The following CLDN16 variants were observed in gnomAD, a reference collection of about 807,000 sequenced individuals.
CLDN16 encodes claudin 16, also known as claudin-16.
CLDN16 carries 13 observed loss-of-function variants against 24.6 expected under a neutral mutation model. That is an observed-to-expected ratio of 0.53 (90% CI 0.34 to 0.84). The LOEUF (loss-of-function observed/expected upper bound fraction) is 0.84. Ranked by LOEUF, CLDN16 falls within the 40% of genes least tolerant of loss-of-function variation. CLDN16 has a pLI of 0.01. For missense variants in CLDN16, 298 were observed against 292.7 expected, an observed-to-expected ratio of 1.02 and a Z score of -0.13; for synonymous variants, 116 against 106.7, an observed-to-expected ratio of 1.09 and a Z score of -0.54.
At chr3:190,334,828 C>A (rs1409663222) in intron 1 of CLDN16, among the ~76,000 whole-genome samples, 1 of 152,160 alleles carries the variant, frequency 6.6e-6, no homozygotes, top group Non-Finnish European at 1.5e-5. Context: ...AGGTATGCAG[C>A]TTTCCTCTTC....
chr3:190,396,571 G>A (rs564593089), intron 1 of CLDN16, among the ~76,000 whole-genome samples: 10 of 152,268 alleles, frequency 6.6e-5, no homozygotes, highest in Admixed American at 6.5e-4. Flanking sequence ...CAGCTGCCAT[G>A]TTTGTCTTTA....
chr3:190,379,573 C>CAACA (rs200542579), intron 3 of CLDN16, among the ~76,000 whole-genome samples: 25 of 152,010 alleles, frequency 1.6e-4, no homozygotes, highest in Admixed American at 1.3e-3. Flanking sequence ...CATTGGGCTT[C>CAACA]AACAAACAAA....
At chr3:190,294,032 T>G in the CLDN16 span, among the ~76,000 whole-genome samples, 1 of 152,172 alleles carries the variant, frequency 6.6e-6, no homozygotes, top group African/African-American at 2.4e-5. Flanking sequence ...TAGATGAGTT[T>G]TGGTTGAAAA....
At chr3:190,316,384 T>C in the CLDN16 span, among the ~76,000 whole-genome samples, 126 of 152,342 alleles carry the variant, frequency 8.3e-4, 1 homozygote, top group African/African-American at 2.9e-3. Context: ...TTCTTAAGTA[T>C]AGTTATATGT....
chr3:190,313,927 A>G, the CLDN16 span, among the ~76,000 whole-genome samples: 2 of 152,220 alleles, frequency 1.3e-5, no homozygotes, highest in African/African-American at 4.8e-5. Context: ...ACAGATTTTT[A>G]AATATGAACT....
chr3:190,388,128 C>A (rs749994123), upstream of CLDN16: 1 of 1,613,908 alleles, frequency 6.2e-7, no homozygotes. Flanking sequence ...TAATGACCTC[C>A]AGGACCCCAC....
In CLDN16 at chr3:190,388,236, G is replaced by T. The variant is rs1303948615; in HGVS notation, c.-94G>T. 6.2e-7 allele frequency: 1 copy of T among 1,614,048 alleles called. No homozygotes were observed. The highest frequency in any genetic ancestry group is 8.5e-7 in the Non-Finnish European group (1 of 1,180,008). On this transcript the variant is annotated 5_prime_UTR_variant, in exon 1 of 5. The change creates a new upstream start codon in the 5' untranslated region. Transcript: ENST00000264734. The stretch of plus-strand genomic sequence containing the variant: ...AAAGACCAGTATTTTCACATTGCCA[G>T]GTACCAGAAACACAGAAGACTGACA...
At chr3:190,358,967 T>C (rs534408035) in intron 1 of CLDN16, among the ~76,000 whole-genome samples, 1 of 152,158 alleles carries the variant, frequency 6.6e-6, no homozygotes, top group Admixed American at 6.6e-5. Flanking sequence ...CCTAATTTAT[T>C]ATTTTTTTAA....
At chr3:190,311,601 A>AT in the CLDN16 span, among the ~76,000 whole-genome samples, 4 of 151,150 alleles carry the variant, frequency 2.6e-5, no homozygotes, top group Non-Finnish European at 5.9e-5. Context: ...TATATCTGTT[A>AT]TTTTTTTAAA....
chr3:190,316,284 T>C, the CLDN16 span, among the ~76,000 whole-genome samples: 2 of 152,242 alleles, frequency 1.3e-5, no homozygotes, highest in Non-Finnish European at 2.9e-5. Context: ...CTGGCAACTA[T>C]TGACTTATAC....
chr3:190,296,696 A>G, the CLDN16 span, among the ~76,000 whole-genome samples: 1 of 151,718 alleles, frequency 6.6e-6, no homozygotes, highest in Non-Finnish European at 1.5e-5. Flanking sequence ...ACTACAGGCG[A>G]CTGCCACCAC....
chr3:190,308,015 A>G, the CLDN16 span: 4 of 413,844 alleles, frequency 9.7e-6, no homozygotes, highest in Non-Finnish European at 1.3e-5. Context: ...CCCTTCCCCC[A>G]GTTGAGTATG....
chr3:190,340,639 C>T (rs939244880), intron 1 of CLDN16, among the ~76,000 whole-genome samples: 5 of 152,068 alleles, frequency 3.3e-5, no homozygotes, highest in South Asian at 2.1e-4. Flanking sequence ...CTGCCCCTAG[C>T]GACTCCTAAT....
intron 1 of CLDN16, among the ~76,000 whole-genome samples, chr3:190,338,909 TC>T (rs1391108501): frequency 3.3e-5 from 5 of 152,176 alleles, no homozygotes; most frequent in Admixed American, 2.0e-4. Context: ...CCCCTGCAGG[TC>T]TTGGCTGATA....
chr3:190,350,081 C>T (rs1376999598), intron 1 of CLDN16, among the ~76,000 whole-genome samples: 6 of 152,040 alleles, frequency 3.9e-5, no homozygotes, highest in Non-Finnish European at 5.9e-5. Flanking sequence ...GGACCAGGCA[C>T]AGGGCAGGGC....
At chr3:190,291,301 AATT>A in the CLDN16 span, among the ~76,000 whole-genome samples, 1 of 152,176 alleles carries the variant, frequency 6.6e-6, no homozygotes, top group Admixed American at 6.5e-5. Context: ...AGACTGGGTA[AATT>A]ATTAAAAAAG....
chr3:190,313,965 T>G, the CLDN16 span, among the ~76,000 whole-genome samples: 1 of 152,228 alleles, frequency 6.6e-6, no homozygotes, highest in Non-Finnish European at 1.5e-5. Context: ...AAGATTTTGT[T>G]TAAATTCTAG....
intron 3 of CLDN16, among the ~76,000 whole-genome samples, chr3:190,382,871 T>C (rs984595603): frequency 6.6e-6 from 1 of 152,152 alleles, no homozygotes; most frequent in African/African-American, 2.4e-5. Context: ...TTAATCTCAC[T>C]AACTGGAACC....
the CLDN16 span, chr3:190,308,372 G>C: frequency 6.2e-7 from 1 of 1,613,810 alleles, no homozygotes. Flanking sequence ...CAGCAAAGTA[G>C]GGCACCTCCC....
Sources: allele counts gnomAD v4.1 joint callset (sites outside exome capture counted in the v4.1 genomes callset), GRCh38; gene constraint gnomAD v4.1.1; transcripts MANE v1.5; gene names NCBI Gene and HGNC (gene_info 2026-07-23, HGNC 2026-07-21).